The following TBX1 variants were observed in gnomAD, a reference collection of about 807,000 sequenced individuals.
TBX1 encodes T-box transcription factor TBX1.
A neutral mutation model predicts 40.8 loss-of-function variants in TBX1; 16 were observed. That is an observed-to-expected ratio of 0.39 (90% CI 0.27 to 0.60). The LOEUF (loss-of-function observed/expected upper bound fraction) is 0.60. Ranked by LOEUF, TBX1 falls within the 20% of genes least tolerant of loss-of-function variation. TBX1 has a pLI of 0.51. For synonymous variants in TBX1, 403 were observed against 336.8 expected (o/e 1.20, Z -2.15); for missense variants, 755 against 728.5 (o/e 1.04, Z -0.42).
At chr22:19,774,905 C>CCACTT (rs34331122) in intron 8 of TBX1, among the ~76,000 whole-genome samples, 1 of 151,694 alleles carries the variant, frequency 6.6e-6, no homozygotes, top group African/African-American at 2.4e-5. Context: ...CGGGAATACA[C>CCACTT]AATGCCACTG....
At chr22:19,758,480 T>A (rs150099071), upstream of TBX1, among the ~76,000 whole-genome samples, 479 of 152,336 alleles carry the variant, frequency 3.1e-3, 8 homozygotes, top group African/African-American at 0.011. Flanking sequence ...GCGTCTGGGA[T>A]GCCTGGGCCT....
chr22:19,766,750 C>A lies in TBX1; in HGVS notation c.1398C>A (p.His466Gln). 4 of 1,532,030 alleles carry A rather than the reference C, an allele frequency of 2.6e-6. No homozygotes were observed. The highest frequency in any genetic ancestry group is 3.5e-6 in the Non-Finnish European group (4 of 1,151,616). 94.9% of individuals were successfully genotyped at this position (1,532,030 alleles called of 1,614,324 possible). ...HPHAHPHHHH[H>Q]PVSPAAAAAA... ...ACGCGCATCCGCACCACCACCACCA[C>A]CCCGTGAGTCCAGCCGCCGCGGCCG... The change falls in exon 7 of 7, where the codon CAC becomes CAA. Residue 466 changes from histidine (H) to glutamine (Q), a missense_variant. Transcript: ENST00000649276.
chr22:19,765,838 C>A lies in TBX1; in HGVS notation c.935+13C>A. 6.3e-7 allele frequency: 1 copy of A among 1,597,524 alleles called. No individual in the cohort carries two copies. The highest frequency in any genetic ancestry group is 8.5e-7 in the Non-Finnish European group (1 of 1,172,742). The stretch of plus-strand genomic sequence containing the variant: ...ACCCTGAGGACTGGTGAGTGTCCTC[C>A]CCCGAGAGAGTGAGCGCCGGGCGCC... On this transcript the variant is annotated intron_variant, in intron 5 of 6. Coordinates refer to ENST00000649276, the MANE Select transcript of TBX1 (RefSeq NM_001379200.1).
In TBX1 at chr22:19,764,081, G is replaced by T; in HGVS notation, c.540-74G>T. 4.5e-6 allele frequency: 7 copies of T among 1,558,886 alleles called. 1 individual carries two copies. The highest frequency in any genetic ancestry group is 1.1e-5 in the South Asian group (1 of 88,960). On this transcript the variant is annotated intron_variant, in intron 2 of 6. Transcript: ENST00000649276. ...GGAAACTTCTCAAAGGCACTTTTAGGGTTCGCCCAGCACACGGGTCAAGGC... is the reference window on the plus strand; with the variant it reads ...GGAAACTTCTCAAAGGCACTTTTAGTGTTCGCCCAGCACACGGGTCAAGGC...
downstream of TBX1, among the ~76,000 whole-genome samples, chr22:19,780,314 T>C (rs555547803): frequency 2.6e-5 from 4 of 152,304 alleles, no homozygotes; most frequent in East Asian, 7.7e-4. Flanking sequence ...TTCTACTCTC[T>C]GTCTCTGTGA....
At chr22:19,762,711 CA>C (rs1300758422) in intron 1 of TBX1, among the ~76,000 whole-genome samples, 2 of 151,866 alleles carry the variant, frequency 1.3e-5, no homozygotes, top group African/African-American at 4.8e-5. Context: ...CCCTGAGAGT[CA>C]GGGGAGGGAG....
At chr22:19,758,172 C>T (rs189388546), upstream of TBX1, among the ~76,000 whole-genome samples, 15 of 152,332 alleles carry the variant, frequency 9.8e-5, no homozygotes, top group African/African-American at 3.4e-4. Context: ...GTCTGAGGTC[C>T]TGAGATCCTA....
downstream of TBX1, among the ~76,000 whole-genome samples, chr22:19,779,744 G>A (rs191157440): frequency 1.4e-3 from 208 of 152,318 alleles, no homozygotes; most frequent in African/African-American, 4.8e-3. Flanking sequence ...CACACTATGA[G>A]GATGATTCCC....
At position 19,766,801 on chromosome 22, in the gene TBX1, G is replaced by T; in HGVS notation, c.1449G>T (p.Ala483=). The change falls in exon 7 of 7, where the codon GCG becomes GCT. Residue 483 remains alanine, a synonymous_variant. Coordinates refer to ENST00000649276, the MANE Select transcript of TBX1 (RefSeq NM_001379200.1). The part of the protein sequence containing the change: ...AAAAAAAAAA[A]AANMYSSAGA... ...CCGCCGCCGCTGCCGCAGCTGCCGC[G>T]GCCGCCAACATGTACTCGTCGGCCG... is the stretch of plus-strand genomic sequence containing the variant. 15 of 1,519,436 alleles carry T rather than the reference G, an allele frequency of 9.9e-6. No individual in the cohort carries two copies. The highest frequency in any genetic ancestry group is 1.3e-5 in the Non-Finnish European group (15 of 1,148,222). The allele number at this position is 1,519,436 out of a possible 1,614,324, so 94.1% of individuals were successfully genotyped here.
upstream of TBX1, among the ~76,000 whole-genome samples, chr22:19,756,976 C>T (rs1267701288): frequency 6.6e-6 from 1 of 152,068 alleles, no homozygotes; most frequent in Non-Finnish European, 1.5e-5. Flanking sequence ...GTCGGAGGAG[C>T]CCTATCCTGC....
At chr22:19,768,170 G>C (rs1208692035), downstream of TBX1, among the ~76,000 whole-genome samples, 1 of 152,180 alleles carries the variant, frequency 6.6e-6, no homozygotes, top group African/African-American at 2.4e-5. Context: ...AGTGCACGTG[G>C]CCGAGGCTCT....
At position 19,761,272 on chromosome 22, in the gene TBX1, G is replaced by GAT; in HGVS notation, c.429_430insAT (p.Ala144MetfsTer12). 1 of 1,558,472 alleles carries GAT rather than the reference G, an allele frequency of 6.4e-7. No individual in the cohort carries two copies. ...TGGGCACCGAGATGATCGTCACCAA[G>GAT]GCCGGCAGGTCAGGGCGCCCCTCCC... is the stretch of plus-strand genomic sequence containing the variant. On this transcript the variant is annotated frameshift_variant, in exon 1 of 7. Coordinates refer to ENST00000649276, the MANE Select transcript of TBX1 (RefSeq NM_001379200.1). LOFTEE classifies it high-confidence loss of function.
In TBX1 at chr22:19,761,141, G is replaced by A. The variant is rs1327208686; in HGVS notation, c.298G>A (p.Ala100Thr). 2 of 1,465,126 alleles carry A rather than the reference G, an allele frequency of 1.4e-6. No individual in the cohort carries two copies. The highest frequency in any genetic ancestry group is 4.4e-5 in the Admixed American group (2 of 45,598). 90.8% of individuals were successfully genotyped at this position (1,465,126 alleles called of 1,614,324 possible). A position where few individuals can be genotyped will look rare whatever the true frequency, so the allele number is the denominator to read the frequency against. ...SAAAEPEGPG[A>T]SCAAAAKAPV... is the part of the protein sequence containing the mutation. ...CGCCGCCGAGCCCGAGGGCCCCGGGGCCAGCTGCGCGGCCGCAGCCAAGGC... is the reference window on the plus strand; with the variant it reads ...CGCCGCCGAGCCCGAGGGCCCCGGGACCAGCTGCGCGGCCGCAGCCAAGGC... Residue 100 changes from alanine to threonine, a missense_variant, in exon 1 of 7, where the codon GCC becomes ACC. Physicochemically the swap from Ala to Thr is moderately conservative, Grantham distance 58. Transcript: ENST00000649276.
chr22:19,778,187 C>T (rs1937095921), intron 8 of TBX1, among the ~76,000 whole-genome samples: 2 of 151,484 alleles, frequency 1.3e-5, no homozygotes, highest in Admixed American at 1.3e-4. Flanking sequence ...CTCAACCTCC[C>T]AGTCTCAAGC....
At chr22:19,776,779 G>C (rs1292027162) in intron 8 of TBX1, among the ~76,000 whole-genome samples, 3 of 152,218 alleles carry the variant, frequency 2.0e-5, no homozygotes, top group African/African-American at 7.2e-5. Flanking sequence ...CTGCCAATGA[G>C]TGGATGAAAA....
intron 8 of TBX1, among the ~76,000 whole-genome samples, chr22:19,777,002 A>T (rs1287080451): frequency 6.6e-6 from 1 of 152,210 alleles, no homozygotes; most frequent in African/African-American, 2.4e-5. Flanking sequence ...GCTCAATCCC[A>T]TACGCTACAG....
chr22:19,756,895 G>A (rs1936498165), upstream of TBX1: 2 of 152,764 alleles, frequency 1.3e-5, no homozygotes, highest in African/African-American at 4.8e-5. Flanking sequence ...CAGGTGAAGA[G>A]GAGTGTGGGC....
upstream of TBX1, chr22:19,759,383 G>A (rs1267088382): frequency 8.8e-6 from 6 of 681,266 alleles, no homozygotes; most frequent in Non-Finnish European, 1.1e-5. Flanking sequence ...CCCTGGCAGT[G>A]AGTGGCACCA....
intron 6 of TBX1, 151 bp downstream of exon 6, chr22:19,766,153 G>A: frequency 1.3e-6 from 1 of 744,658 alleles, no homozygotes; most frequent in Non-Finnish European, 1.7e-6. Flanking sequence ...GCGCGCACTC[G>A]CCCGCCCGGC....
Sources: gnomAD v4.1 joint callset for allele counts (sites outside exome capture counted in the v4.1 genomes callset) on GRCh38, gnomAD v4.1.1 for gene constraint, MANE v1.5 for transcripts, NCBI Gene and HGNC (gene_info 2026-07-23, HGNC 2026-07-21) for gene names.